Variants in MAP2 observed in about 807,000 individuals in gnomAD.
MAP2 encodes microtubule associated protein 2.
In MAP2, 14 loss-of-function variants were observed where a neutral mutation model predicts 137.6. That is an observed-to-expected ratio of 0.10 (90% CI 0.07 to 0.16). The LOEUF (loss-of-function observed/expected upper bound fraction) is 0.16. MAP2 is among the 10% of genes least tolerant of loss of function. The pLI, the probability that MAP2 is intolerant of heterozygous loss-of-function variation, is 1.00. For synonymous variants in MAP2, 786 were observed against 782.3 expected (o/e 1.00, Z -0.08); for missense variants, 2,088 against 2,191.5 (o/e 0.95, Z 0.94).
intron 13 of MAP2, among the ~76,000 whole-genome samples, chr2:209,719,355 A>G (rs1451565456): frequency 9.9e-5 from 15 of 152,212 alleles, no homozygotes; most frequent in Admixed American, 9.8e-4. Flanking sequence ...TCTTTTGTTA[A>G]AGAGAGCAGT....
chr2:209,723,608 A>T, intron 13 of MAP2: 1 of 1,611,640 alleles, frequency 6.2e-7, no homozygotes, highest in Non-Finnish European at 8.5e-7. Context: ...AGGATTTTAA[A>T]CAAGAAGATC....
chr2:209,465,054 C>T (rs1703792950), intron 1 of MAP2, among the ~76,000 whole-genome samples: 1 of 151,986 alleles, frequency 6.6e-6, no homozygotes, highest in Non-Finnish European at 1.5e-5. Flanking sequence ...ATGACCATTC[C>T]CCCAGTGTTG....
intron 2 of MAP2, among the ~76,000 whole-genome samples, chr2:209,536,608 C>T (rs1012940154): frequency 2.9e-4 from 44 of 152,090 alleles, no homozygotes; most frequent in African/African-American, 9.4e-4. Flanking sequence ...TTCCAGAGTC[C>T]GGTGAACAGA....
chr2:209,611,663 T>G (rs1337381272), intron 3 of MAP2, among the ~76,000 whole-genome samples: 1 of 151,894 alleles, frequency 6.6e-6, no homozygotes, highest in Non-Finnish European at 1.5e-5. Flanking sequence ...TTTTAGAGAG[T>G]GGAGTTATAT....
chr2:209,545,815 CA>C (rs1434661199), intron 2 of MAP2, among the ~76,000 whole-genome samples: 2 of 152,170 alleles, frequency 1.3e-5, no homozygotes, highest in East Asian at 3.8e-4. Context: ...AATTCACATA[CA>C]ACACCAGATG....
intron 4 of MAP2, among the ~76,000 whole-genome samples, chr2:209,642,205 G>A (rs2094088556): frequency 6.6e-6 from 1 of 151,954 alleles, no homozygotes. Flanking sequence ...TGTTTTGGAA[G>A]GCTGAGGCAG....
At chr2:209,690,069 CT>C (rs889502335) in intron 7 of MAP2, among the ~76,000 whole-genome samples, 30 of 151,988 alleles carry the variant, frequency 2.0e-4, no homozygotes, top group Admixed American at 9.8e-4. Context: ...TGAAGCAAGG[CT>C]TTTTTTATTC....
chr2:209,594,563 A>G (rs2080722440), intron 3 of MAP2, among the ~76,000 whole-genome samples: 2 of 152,116 alleles, frequency 1.3e-5, no homozygotes, highest in Admixed American at 6.6e-5. Flanking sequence ...GATGTCTAGA[A>G]TATCTTCAAA....
intron 1 of MAP2, among the ~76,000 whole-genome samples, chr2:209,462,384 G>T (rs1347527696): frequency 6.6e-6 from 1 of 152,202 alleles, no homozygotes; most frequent in South Asian, 2.1e-4. Context: ...CTTTGTCATG[G>T]ATTTAACACA....
At chr2:209,564,556 TAAAAA>T (rs757367849) in intron 2 of MAP2, among the ~76,000 whole-genome samples, 1,559 of 55,980 alleles carry the variant, frequency 0.028, 29 homozygotes, top group African/African-American at 0.089. Flanking sequence ...CTCTGTGGAG[TAAAAA>T]AAAAAAAAAA....
intron 2 of MAP2, among the ~76,000 whole-genome samples, chr2:209,563,182 C>T (rs1389381768): frequency 6.6e-6 from 1 of 152,034 alleles, no homozygotes; most frequent in Admixed American, 6.6e-5. Flanking sequence ...AAAAGCATAC[C>T]TGTAGTATAA....
chr2:209,562,786 C>T (rs979547097), intron 2 of MAP2, among the ~76,000 whole-genome samples: 3 of 152,128 alleles, frequency 2.0e-5, no homozygotes, highest in Admixed American at 2.0e-4. Flanking sequence ...GGTGATTGCA[C>T]ACCAGCTCAA....
chr2:209,651,755 G>A (rs2094815897), intron 4 of MAP2, among the ~76,000 whole-genome samples: 1 of 152,176 alleles, frequency 6.6e-6, no homozygotes, highest in African/African-American at 2.4e-5. Context: ...ATTTGGTGCT[G>A]CAGTCAAATT....
chr2:209,663,541 T>C (rs1448832969), intron 5 of MAP2, among the ~76,000 whole-genome samples: 3 of 152,208 alleles, frequency 2.0e-5, no homozygotes, highest in Admixed American at 2.0e-4. Context: ...TTAACAATGC[T>C]TTTAACAATT....
intron 2 of MAP2, among the ~76,000 whole-genome samples, chr2:209,533,841 T>C (rs1181256248): frequency 6.6e-6 from 1 of 152,056 alleles, no homozygotes; most frequent in African/African-American, 2.4e-5. Context: ...GAGAACTAGG[T>C]TGAGACAGGG....
At chr2:209,652,579 CT>C (rs2094881320) in intron 4 of MAP2, among the ~76,000 whole-genome samples, 1 of 152,104 alleles carries the variant, frequency 6.6e-6, no homozygotes, top group Non-Finnish European at 1.5e-5. Context: ...ATTGAACACC[CT>C]TGAAACCAAA....
At chr2:209,614,544 G>T (rs2088370185) in intron 3 of MAP2, among the ~76,000 whole-genome samples, 1 of 152,052 alleles carries the variant, frequency 6.6e-6, no homozygotes, top group Admixed American at 6.6e-5. Flanking sequence ...CAGAACACTT[G>T]GGAGTGATAA....
intron 3 of MAP2, 59 bp from the exon 4 acceptor site, chr2:209,624,994 G>A (rs1156688786): frequency 6.6e-6 from 1 of 152,124 alleles, no homozygotes; most frequent in African/African-American, 2.4e-5. Flanking sequence ...TGAGCTACTT[G>A]ATGTGATTAA....
chr2:209,624,855 A>G (rs966809423), intron 3 of MAP2, among the ~76,000 whole-genome samples, 198 bp from the exon 4 acceptor site: 2 of 152,162 alleles, frequency 1.3e-5, no homozygotes, highest in African/African-American at 4.8e-5. Flanking sequence ...TCACTTTTCT[A>G]TTCTATCTGT....
Sources: gnomAD v4.1 joint callset for allele counts (sites outside exome capture counted in the v4.1 genomes callset) on GRCh38, gnomAD v4.1.1 for gene constraint, MANE v1.5 for transcripts, NCBI Gene and HGNC (gene_info 2026-07-23, HGNC 2026-07-21) for gene names.